MFSD1: variants seen among roughly 807,000 people sequenced by gnomAD.
The protein encoded by MFSD1 is lysosomal dipeptide transporter MFSD1.
In MFSD1, 59 loss-of-function variants were observed where a neutral mutation model predicts 67.1. The ratio of observed to expected loss-of-function variants is 0.88; its 90% CI spans 0.71 to 1.09. MFSD1 has a LOEUF of 1.09. MFSD1 is among the 50% of genes least tolerant of loss of function. MFSD1 has a pLI of 0.00. For synonymous variants in MFSD1, 213 were observed against 200.3 expected (o/e 1.06, Z -0.54); for missense variants, 552 against 566.1 (o/e 0.97, Z 0.25).
In MFSD1 at chr3:158,823,482, G is replaced by A. The variant is rs1730782644; in HGVS notation, c.1132G>A (p.Ala378Thr). 2 of 1,613,680 alleles carry A rather than the reference G, an allele frequency of 1.2e-6. No individual in the cohort carries two copies. Among genetic ancestry groups the A allele is most frequent in the African/African-American group, 1.3e-5 (1 of 74,888 alleles). ...LLACALWPMVAFVVPEHQLGT... is the reference protein window; with the variant it reads ...LLACALWPMVTFVVPEHQLGT... ...TGCCTGTGCATTGTGGCCAATGGTGGCATTTGTAGTTCCTGAACATCAGCT... is the reference window on the plus strand; with the variant it reads ...TGCCTGTGCATTGTGGCCAATGGTGACATTTGTAGTTCCTGAACATCAGCT... Residue 378 changes from alanine to threonine, a missense_variant, in exon 12 of 16, where the codon GCA becomes ACA. By Grantham distance (58) the Ala-to-Thr change is moderately conservative. Coordinates refer to ENST00000415822, the MANE Select transcript of MFSD1 (RefSeq NM_022736.4).
At chr3:158,820,478 CTT>C in intron 9 of MFSD1, 152 bp downstream of exon 9, 1 of 591,084 alleles carries the variant, frequency 1.7e-6, no homozygotes, top group Non-Finnish European at 3.0e-6. Flanking sequence ...TATACATTTT[CTT>C]TTAGCTTAAG....
chr3:158,810,836 A>G (rs1729970257), intron 6 of MFSD1, among the ~76,000 whole-genome samples: 1 of 152,176 alleles, frequency 6.6e-6, no homozygotes, highest in Non-Finnish European at 1.5e-5. Context: ...TCTTTGGTAA[A>G]TAGTGTGGTT....
Position 158,820,346 on chromosome 3 carries a change from C to G in MFSD1, c.863+20C>G. On this transcript the variant is annotated intron_variant, in intron 9 of 15. Transcript: ENST00000415822. ...TGGGAAGTGAGTATTCTCTATGTTT[C>G]CATTATTTCTTGTCTAAATTATCAT... 4 of 1,479,018 alleles carry G rather than the reference C, an allele frequency of 2.7e-6. No homozygotes were observed. The highest frequency in any genetic ancestry group is 3.8e-6 in the Non-Finnish European group (4 of 1,059,382). 91.6% of individuals were successfully genotyped at this position (1,479,018 alleles called of 1,614,324 possible).
At chr3:158,823,829 G>C (rs184751708) in intron 12 of MFSD1, among the ~76,000 whole-genome samples, 28 of 152,284 alleles carry the variant, frequency 1.8e-4, no homozygotes, top group Middle Eastern at 3.4e-3. Context: ...AAAGGCAGAG[G>C]GGGGAAACCG....
chr3:158,811,161 G>A (rs1174349958), intron 6 of MFSD1, among the ~76,000 whole-genome samples: 1 of 152,190 alleles, frequency 6.6e-6, no homozygotes, highest in African/African-American at 2.4e-5. Context: ...CGGAAAATAT[G>A]TAGAGTGTGG....
intron 6 of MFSD1, among the ~76,000 whole-genome samples, chr3:158,812,030 G>T (rs1420259401): frequency 2.0e-5 from 3 of 152,174 alleles, no homozygotes; most frequent in African/African-American, 7.2e-5. Context: ...ATAAATGTTT[G>T]TTGAAATAAT....
intron 9 of MFSD1, among the ~76,000 whole-genome samples, 190 bp from the exon 10 acceptor site, chr3:158,821,407 C>T (rs376788772): frequency 4.6e-5 from 7 of 152,294 alleles, no homozygotes; most frequent in South Asian, 2.1e-4. Context: ...CATCATATGT[C>T]ATTTAGTCAG....
chr3:158,828,382 G>T (rs770965171), intron 15 of MFSD1, among the ~76,000 whole-genome samples: 41 of 151,928 alleles, frequency 2.7e-4, no homozygotes, highest in Non-Finnish European at 5.6e-4. Flanking sequence ...TGAGATGGGG[G>T]TGGTTTTGGT....
In MFSD1 at chr3:158,802,112, G is replaced by C. The variant is rs374351359; in HGVS notation, c.-41G>C. 1 of 1,606,394 alleles carries C rather than the reference G, an allele frequency of 6.2e-7. No individual in the cohort carries two copies. Among genetic ancestry groups the C allele is most frequent in the East Asian group, 2.2e-5 (1 of 44,690 alleles). ...GGGCGCTGCTTCCTGCCTGGGTTTGGAGTTGTCACCACTTTCCCCTCTCCG... is the reference window on the plus strand; with the variant it reads ...GGGCGCTGCTTCCTGCCTGGGTTTGCAGTTGTCACCACTTTCCCCTCTCCG... On this transcript the variant is annotated 5_prime_UTR_variant, in exon 1 of 16. Coordinates refer to ENST00000415822, the MANE Select transcript of MFSD1 (RefSeq NM_022736.4).
intron 13 of MFSD1, among the ~76,000 whole-genome samples, chr3:158,825,776 G>A (rs1053697499): frequency 6.6e-5 from 10 of 152,164 alleles, no homozygotes; most frequent in African/African-American, 2.4e-4. Context: ...TTTTTTCTAG[G>A]GGCCTCAACT....
intron 14 of MFSD1, among the ~76,000 whole-genome samples, chr3:158,827,058 T>C (rs1318328302): frequency 1.3e-5 from 2 of 152,206 alleles, no homozygotes; most frequent in African/African-American, 4.8e-5. Context: ...CTTAAAAAAA[T>C]GCTTAAATTA....
Position 158,810,246 on chromosome 3 carries a change from G to A in MFSD1, c.549+959G>A, listed in dbSNP as rs141176112. On this transcript the variant is annotated intron_variant, in intron 6 of 15. Transcript: ENST00000415822. ...TGTTTTTATTAATGCAAACTATAAGGTGTGTTGGCATTCCCAAATCCCATT... is the reference window on the plus strand; with the variant it reads ...TGTTTTTATTAATGCAAACTATAAGATGTGTTGGCATTCCCAAATCCCATT... 3.6e-3 allele frequency among the ~76,000 whole-genome samples: 551 copies of A among 152,168 alleles called. 5 individuals carry two copies. Among genetic ancestry groups the A allele is most frequent in the African/African-American group, 0.013 (540 of 41,498 alleles).
At chr3:158,806,358 A>G (rs2108205461) in intron 3 of MFSD1, among the ~76,000 whole-genome samples, 1 of 152,352 alleles carries the variant, frequency 6.6e-6, no homozygotes, top group Admixed American at 6.5e-5. Context: ...TCTTGGAACC[A>G]TAGTAAGTTT....
chr3:158,819,384 G>A (rs1730549579), intron 7 of MFSD1, among the ~76,000 whole-genome samples: 1 of 152,196 alleles, frequency 6.6e-6, no homozygotes, highest in Non-Finnish European at 1.5e-5. Flanking sequence ...TACAGGACTA[G>A]ACTAGTTTTT....
At chr3:158,806,165 A>G (rs1431201998) in intron 3 of MFSD1, among the ~76,000 whole-genome samples, 1 of 152,248 alleles carries the variant, frequency 6.6e-6, no homozygotes, top group Non-Finnish European at 1.5e-5. Context: ...GATTAAAGAA[A>G]CTTTAAGAGT....
intron 13 of MFSD1, chr3:158,825,220 G>A (rs1439069437): frequency 6.6e-6 from 1 of 152,140 alleles, no homozygotes; most frequent in Non-Finnish European, 1.5e-5. Context: ...ATGCAGTGGA[G>A]CAGTCACAGC....
In MFSD1 at chr3:158,807,093, C is replaced by A. The variant is rs1321439883; in HGVS notation, c.372+11C>A. 5 of 1,605,880 alleles carry A rather than the reference C, an allele frequency of 3.1e-6. No individual in the cohort carries two copies. The highest frequency in any genetic ancestry group is 4.3e-6 in the Non-Finnish European group (5 of 1,173,964). ...GTTTGCATTGGACAGGTAAGGAAGG[C>A]CAAAACATTCATTGATTATTGACAG... is the stretch of plus-strand genomic sequence containing the variant. On this transcript the variant is annotated intron_variant, in intron 4 of 15. Transcript: ENST00000415822.
chr3:158,805,492 C>T lies in MFSD1; in HGVS notation c.329+18C>T. Reference sequence around the variant, plus strand: ...GGAATACGGTAAGCTTGAAAAGAAACTATGGGTAAATCTTACCTGATTGTT... The same window carrying T: ...GGAATACGGTAAGCTTGAAAAGAAATTATGGGTAAATCTTACCTGATTGTT... On this transcript the variant is annotated intron_variant, in intron 3 of 15. Transcript: ENST00000415822. The T allele has an allele frequency of 6.5e-7, 1 of 1,533,040 alleles. No individual in the cohort carries two copies. Among genetic ancestry groups the T allele is most frequent in the Non-Finnish European group, 9.0e-7 (1 of 1,106,252 alleles). 95.0% of individuals were successfully genotyped at this position (1,533,040 alleles called of 1,614,324 possible).
At chr3:158,818,477 C>T (rs1202651248) in intron 7 of MFSD1, among the ~76,000 whole-genome samples, 1 of 151,962 alleles carries the variant, frequency 6.6e-6, no homozygotes, top group Admixed American at 6.6e-5. Flanking sequence ...AACTTTGTAC[C>T]CCTTGATTAA....
Sources: allele counts gnomAD v4.1 joint callset (sites outside exome capture counted in the v4.1 genomes callset), GRCh38; gene constraint gnomAD v4.1.1; transcripts MANE v1.5; gene names NCBI Gene and HGNC (gene_info 2026-07-23, HGNC 2026-07-21).